FSD1L: variants seen among roughly 807,000 people sequenced by gnomAD.
FSD1L encodes the protein fibronectin type III and SPRY domain containing 1 like.
FSD1L carries 45 observed loss-of-function variants against 71.6 expected under a neutral mutation model. The ratio of observed to expected loss-of-function variants is 0.63; its 90% confidence interval spans 0.49 to 0.81. FSD1L has a LOEUF of 0.81. Ranked by LOEUF, FSD1L falls within the 30% of genes least tolerant of loss-of-function variation. The probability of loss-of-function intolerance (pLI) is 0.00; values close to 1 mark genes in which losing one functional copy is unlikely to be tolerated. For synonymous variants in FSD1L, 197 were observed against 207.2 expected (o/e 0.95, Z 0.42); for missense variants, 561 against 618.1 (o/e 0.91, Z 0.98).
intron 13 of FSD1L, among the ~76,000 whole-genome samples, chr9:105,540,721 A>G (rs946809671): frequency 1.3e-5 from 2 of 152,182 alleles, no homozygotes; most frequent in Non-Finnish European, 2.9e-5. Context: ...TTTGTGTGCT[A>G]TGCTGAATAT....
chr9:105,526,434 A>G (rs1248552190), intron 10 of FSD1L: 35 of 1,613,002 alleles, frequency 2.2e-5, no homozygotes, highest in Non-Finnish European at 2.8e-5. Context: ...GCGCAGGTAG[A>G]TGGGGCTGAC....
At chr9:105,448,894 T>C (rs1829806357) in intron 1 of FSD1L, among the ~76,000 whole-genome samples, 1 of 152,210 alleles carries the variant, frequency 6.6e-6, no homozygotes, top group Non-Finnish European at 1.5e-5. Flanking sequence ...TTTTATACTT[T>C]CCGAACAGTT....
intron 10 of FSD1L, among the ~76,000 whole-genome samples, chr9:105,533,150 A>G (rs1019186975): frequency 2.6e-5 from 4 of 152,094 alleles, no homozygotes; most frequent in African/African-American, 9.7e-5. Flanking sequence ...ATATCCCCCA[A>G]ATACTTTTAG....
intron 7 of FSD1L, among the ~76,000 whole-genome samples, chr9:105,494,941 G>A (rs1301141573): frequency 4.6e-5 from 7 of 152,178 alleles, no homozygotes; most frequent in South Asian, 2.1e-4. Context: ...TAGGCTGCTC[G>A]GGGGTCAGGG....
chr9:105,502,294 T>TA (rs2131341709), intron 7 of FSD1L, among the ~76,000 whole-genome samples: 1 of 152,344 alleles, frequency 6.6e-6, no homozygotes, highest in South Asian at 2.1e-4. Context: ...TGATAGCTAT[T>TA]GTTGTTACTA....
Position 105,547,138 on chromosome 9 carries a change from C to T in FSD1L, c.*655C>T, listed in dbSNP as rs1291889812. Reference sequence around the variant, plus strand: ...AATCACCCAAATTTCAGTTCTTTACCTACTGCACTAACAATGGCAAGGGGG... The same window carrying T: ...AATCACCCAAATTTCAGTTCTTTACTTACTGCACTAACAATGGCAAGGGGG... On this transcript the variant is annotated 3_prime_UTR_variant, in exon 14 of 14. Transcript: ENST00000481272. The T allele has an allele frequency of 6.7e-6, 1 of 150,016 alleles. No homozygotes were observed. The highest frequency in any genetic ancestry group is 1.5e-5 in the Non-Finnish European group (1 of 67,608). 9.3% of individuals were successfully genotyped at this position (150,016 alleles called of 1,614,324 possible). A position where few individuals can be genotyped will look rare whatever the true frequency, so the allele number is the denominator to read the frequency against.
intron 10 of FSD1L, among the ~76,000 whole-genome samples, chr9:105,529,080 C>T (rs994832055): frequency 3.3e-5 from 5 of 152,284 alleles, no homozygotes; most frequent in East Asian, 3.9e-4. Flanking sequence ...TACCATCTCA[C>T]GCCAGTTAGA....
At chr9:105,511,552 CT>C (rs1376955846) in intron 9 of FSD1L, among the ~76,000 whole-genome samples, 3 of 152,010 alleles carry the variant, frequency 2.0e-5, no homozygotes, top group African/African-American at 4.8e-5. Context: ...TGCATTATCT[CT>C]TTTTTCTGTA....
intron 7 of FSD1L, among the ~76,000 whole-genome samples, chr9:105,503,897 C>T (rs1374185165): frequency 6.6e-6 from 1 of 152,058 alleles, no homozygotes; most frequent in Admixed American, 6.5e-5. Context: ...TCTTTTTAAC[C>T]TCAGTTTCCA....
intron 10 of FSD1L, chr9:105,523,125 A>T: frequency 6.2e-7 from 1 of 1,613,868 alleles, no homozygotes; most frequent in Admixed American, 1.7e-5. Context: ...GGAAGTGGCT[A>T]GTCTAACTAC....
intron 7 of FSD1L, 28 bp from the exon 8 acceptor site, chr9:105,506,371 G>A: frequency 2.1e-6 from 3 of 1,410,778 alleles, no homozygotes; most frequent in Middle Eastern, 3.5e-4. Context: ...AGGAATGAAT[G>A]AGTCTTTTTT....
intron 6 of FSD1L, 62 bp downstream of exon 6, chr9:105,479,438 A>G: frequency 1.5e-6 from 2 of 1,375,284 alleles, no homozygotes; most frequent in Non-Finnish European, 2.0e-6. Flanking sequence ...GAAATTCAGA[A>G]ATAGTTTTTT....
chr9:105,458,407 C>G (rs565535237), intron 1 of FSD1L, among the ~76,000 whole-genome samples: 4 of 152,238 alleles, frequency 2.6e-5, no homozygotes, highest in Admixed American at 1.3e-4. Flanking sequence ...TTCCTGAGTT[C>G]TTGTCCTGCG....
intron 10 of FSD1L, chr9:105,525,543 C>G: frequency 1.2e-6 from 2 of 1,610,990 alleles, no homozygotes; most frequent in Non-Finnish European, 1.7e-6. Context: ...TTTATTATTG[C>G]AGATTGCTTC....
intron 7 of FSD1L, among the ~76,000 whole-genome samples, chr9:105,495,865 C>G (rs748687799): frequency 6.6e-5 from 10 of 151,830 alleles, no homozygotes; most frequent in Non-Finnish European, 1.2e-4. Context: ...GTCCCAGCTC[C>G]TCGGGAGGCT....
intron 1 of FSD1L, among the ~76,000 whole-genome samples, chr9:105,453,037 T>G (rs930249231): frequency 2.8e-5 from 4 of 142,212 alleles, no homozygotes; most frequent in Non-Finnish European, 6.0e-5. Flanking sequence ...ACGTCTGACC[T>G]AAAGTTGTTT....
chr9:105,547,950 A>G lies in FSD1L; in HGVS notation c.*1467A>G, dbSNP rs977570402. On this transcript the variant is annotated 3_prime_UTR_variant, in exon 14 of 14. Transcript: ENST00000481272. ...TGCCTACATTTGCGTTGCTTTCTAC[A>G]TAGAGACTTGTATAATAGTATTAAT... 1 of 152,070 alleles carries G rather than the reference A, an allele frequency of 6.6e-6. No homozygotes were observed. The highest frequency in any genetic ancestry group is 1.5e-5 in the Non-Finnish European group (1 of 67,962). The allele number at this position is 152,070 out of a possible 1,614,324, so 9.4% of individuals were successfully genotyped here. A position where few individuals can be genotyped will look rare whatever the true frequency, so the allele number is the denominator to read the frequency against.
At chr9:105,471,882 G>GTT (rs770801403) in intron 4 of FSD1L, 22 bp from the exon 5 acceptor site, 13,559 of 732,410 alleles carry the variant, frequency 0.019, 10 homozygotes, top group East Asian at 0.073. Flanking sequence ...TAATGACTTA[G>GTT]TTTTTTTTTT....
chr9:105,463,886 C>T (rs963848817), intron 2 of FSD1L, among the ~76,000 whole-genome samples: 6 of 151,996 alleles, frequency 3.9e-5, no homozygotes, highest in Admixed American at 1.3e-4. Context: ...TGTTGTATTC[C>T]GTTTCCATTT....
Sources: gnomAD v4.1 joint callset for allele counts (sites outside exome capture counted in the v4.1 genomes callset) on GRCh38, gnomAD v4.1.1 for gene constraint, MANE v1.5 for transcripts, NCBI Gene and HGNC (gene_info 2026-07-23, HGNC 2026-07-21) for gene names.